ITGB3: variants seen among roughly 807,000 people sequenced by gnomAD.
ITGB3 encodes integrin subunit beta 3, also known as integrin beta-3.
In ITGB3, 48 loss-of-function variants were observed where a neutral mutation model predicts 85.8. That is an observed-to-expected ratio of 0.56 (90% CI 0.44 to 0.71). The LOEUF (loss-of-function observed/expected upper bound fraction) is 0.71. ITGB3 is among the 30% of genes least tolerant of loss of function. The probability of loss-of-function intolerance (pLI) is 0.00; values close to 1 mark genes in which losing one functional copy is unlikely to be tolerated. For missense variants in ITGB3, 861 were observed against 1,019.1 expected, an observed-to-expected ratio of 0.84 and a Z score of 2.11; for synonymous variants, 363 against 395.6, an observed-to-expected ratio of 0.92 and a Z score of 0.98.
intron 1 of ITGB3, among the ~76,000 whole-genome samples, chr17:47,269,836 T>G (rs2065038159): frequency 6.6e-6 from 1 of 152,228 alleles, no homozygotes; most frequent in East Asian, 1.9e-4. Flanking sequence ...GCCAATTTAC[T>G]GTAATAGTCT....
intron 14 of ITGB3, among the ~76,000 whole-genome samples, chr17:47,309,245 G>T (rs2065203500): frequency 6.6e-6 from 1 of 151,434 alleles, no homozygotes; most frequent in Admixed American, 6.6e-5. Flanking sequence ...TAGAGACAGG[G>T]TCTCACTCTG....
intron 6 of ITGB3, among the ~76,000 whole-genome samples, chr17:47,287,572 C>G (rs1439937625): frequency 6.6e-6 from 1 of 152,100 alleles, no homozygotes; most frequent in Non-Finnish European, 1.5e-5. Context: ...CTTGGAATAC[C>G]ATACTAACTT....
Position 47,253,947 on chromosome 17 carries a change from G to A in ITGB3, c.79+7G>A. ...GCGGGCGTTGGCGTAGGAGGTGAGT[G>A]AGGCTCCGGCTCGGCAGCGTCGCAG... On this transcript the variant is annotated splice_region_variant and intron_variant, in intron 1 of 14. Transcript: ENST00000559488. 1 of 1,414,930 alleles carries A rather than the reference G, an allele frequency of 7.1e-7. No individual in the cohort carries two copies. Among genetic ancestry groups the A allele is most frequent in the Non-Finnish European group, 9.3e-7 (1 of 1,077,224 alleles). The allele number at this position is 1,414,930 out of a possible 1,614,324, so 87.6% of individuals were successfully genotyped here. A position where few individuals can be genotyped will look rare whatever the true frequency, so the allele number is the denominator to read the frequency against.
Position 47,310,319 on chromosome 17 carries a change from G to C in ITGB3, c.*115G>C. On this transcript the variant is annotated 3_prime_UTR_variant, in exon 15 of 15. Transcript: ENST00000559488. ...GGAGGGATTTGGGGCTCAGAGTGGG[G>C]TAGGTTGGGAGAATGTCAGTATGTG... 1 of 987,538 alleles carries C rather than the reference G, an allele frequency of 1.0e-6. No homozygotes were observed. Among genetic ancestry groups the C allele is most frequent in the Non-Finnish European group, 1.6e-6 (1 of 626,090 alleles). 61.2% of individuals were successfully genotyped at this position (987,538 alleles called of 1,614,324 possible).
rs1476476442 is a variant in ITGB3, at chr17:47,286,320, G to A, written c.675G>A (p.Gln225=). ...GYKHVLTLTD[Q]VTRFNEEVKK... ...AACACGTGCTGACGCTAACTGACCA[G>A]GTGACCCGCTTCAATGAGGAAGTGA... The change falls in exon 5 of 15, where the codon CAG becomes CAA. Residue 225 remains glutamine (Q), a synonymous_variant. Coordinates refer to ENST00000559488, the MANE Select transcript of ITGB3 (RefSeq NM_000212.3). 8 of 1,614,070 alleles carry A rather than the reference G, an allele frequency of 5.0e-6. No homozygotes were observed. Among genetic ancestry groups the A allele is most frequent in the Non-Finnish European group, 5.9e-6 (7 of 1,180,056 alleles).
At chr17:47,287,911 C>CTTTTTTTTT (rs60463106) in intron 6 of ITGB3, among the ~76,000 whole-genome samples, 10 of 55,396 alleles carry the variant, frequency 1.8e-4, no homozygotes, top group East Asian at 1.6e-3. Flanking sequence ...ACCACCCCTG[C>CTTTTTTTTT]TTTTTTTTTT....
intron 1 of ITGB3, among the ~76,000 whole-genome samples, chr17:47,257,588 C>G (rs889711341): frequency 2.0e-5 from 3 of 152,158 alleles, no homozygotes; most frequent in Admixed American, 6.5e-5. Context: ...TTAAGAAACC[C>G]AATATTTGAA....
rs1435773997 is a variant in ITGB3 at position 47,292,369 on chromosome 17, T to C, written c.1491T>C (p.Cys497=). The change falls in exon 10 of 15, where the codon TGT becomes TGC. Residue 497 remains cysteine, a synonymous_variant. Transcript: ENST00000559488. ...RCGPGWLGSQ[C]ECSEEDYRPS... ...GGCCTGGCTGGCTGGGATCCCAGTGTGAGTGCTCAGAGGAGGACTATCGCC... is the reference window on the plus strand; with the variant it reads ...GGCCTGGCTGGCTGGGATCCCAGTGCGAGTGCTCAGAGGAGGACTATCGCC... 1 of 1,614,174 alleles carries C rather than the reference T, an allele frequency of 6.2e-7. No individual in the cohort carries two copies. The highest frequency in any genetic ancestry group is 1.1e-5 in the South Asian group (1 of 91,078).
At chr17:47,276,079 G>A (rs576803186) in intron 2 of ITGB3, among the ~76,000 whole-genome samples, 1 of 152,182 alleles carries the variant, frequency 6.6e-6, no homozygotes, top group Admixed American at 6.5e-5. Flanking sequence ...TTGGGTAGCC[G>A]AAAGCCTTCA....
intron 10 of ITGB3, among the ~76,000 whole-genome samples, chr17:47,295,368 C>T (rs2065141741): frequency 6.6e-6 from 1 of 152,108 alleles, no homozygotes; most frequent in African/African-American, 2.4e-5. Context: ...TGACCTTAAG[C>T]ACCCGTTCCT....
chr17:47,257,888 C>T (rs2149058544), intron 1 of ITGB3, among the ~76,000 whole-genome samples: 1 of 152,204 alleles, frequency 6.6e-6, no homozygotes, highest in African/African-American at 2.4e-5. Context: ...CTGGGAAGAC[C>T]ATAAGATGGG....
At chr17:47,289,270 A>G (rs934779544) in intron 6 of ITGB3, among the ~76,000 whole-genome samples, 1 of 152,120 alleles carries the variant, frequency 6.6e-6, no homozygotes, top group Non-Finnish European at 1.5e-5. Context: ...CTCTTCGTCT[A>G]TCCCTGGAGT....
rs1238443919 is a variant in ITGB3, at chr17:47,291,011, T to C, written c.1183T>C (p.Ser395Pro). The change falls in exon 9 of 15, where the codon TCC becomes CCC. Residue 395 changes from serine to proline, a missense_variant. Ser to Pro is a moderately conservative substitution (Grantham distance 74). Coordinates refer to ENST00000559488, the MANE Select transcript of ITGB3 (RefSeq NM_000212.3). ...VRDLPEELSLSFNATCLNNEV... is the reference protein window; with the variant it reads ...VRDLPEELSLPFNATCLNNEV... ...TGACCTCCCTGAAGAGTTGTCTCTA[T>C]CCTTCAATGCCACCTGCCTCAACAA... The C allele has an allele frequency of 6.2e-7, 1 of 1,613,998 alleles. No homozygotes were observed. The highest frequency in any genetic ancestry group is 1.3e-5 in the African/African-American group (1 of 74,902).
At chr17:47,276,018 A>G (rs369493461) in intron 2 of ITGB3, among the ~76,000 whole-genome samples, 2 of 152,116 alleles carry the variant, frequency 1.3e-5, no homozygotes, top group East Asian at 1.9e-4. Context: ...GGAAGTTGCA[A>G]TTCTGCAACT....
At chr17:47,254,112 C>T (rs953738910) in intron 1 of ITGB3, among the ~76,000 whole-genome samples, 172 bp downstream of exon 1, 1 of 152,168 alleles carries the variant, frequency 6.6e-6, no homozygotes, top group African/African-American at 2.4e-5. Flanking sequence ...CTTCCTGGCC[C>T]GGCGGTGGCG....
intron 12 of ITGB3, 132 bp downstream of exon 12, chr17:47,300,710 G>A (rs1353776830): frequency 2.8e-6 from 2 of 722,380 alleles, no homozygotes; most frequent in East Asian, 2.7e-5. Context: ...GTGCAGGCTT[G>A]AGGAACAATG....
intron 10 of ITGB3, among the ~76,000 whole-genome samples, chr17:47,297,760 T>C (rs1291159878): frequency 6.6e-6 from 1 of 151,562 alleles, no homozygotes; most frequent in East Asian, 1.9e-4. Flanking sequence ...CACATGCCTG[T>C]AGTCCCAGCT....
intron 12 of ITGB3, 51 bp downstream of exon 12, chr17:47,300,629 T>A: frequency 7.3e-7 from 1 of 1,372,778 alleles, no homozygotes; most frequent in Non-Finnish European, 1.0e-6. Flanking sequence ...TAAATGTTTC[T>A]AATTCAATCC....
chr17:47,257,493 C>T (rs187676589), intron 1 of ITGB3, among the ~76,000 whole-genome samples: 2 of 152,240 alleles, frequency 1.3e-5, no homozygotes, highest in African/African-American at 4.8e-5. Flanking sequence ...GTTCAATACT[C>T]TATGCCCACT....
Sources: allele counts gnomAD v4.1 joint callset (sites outside exome capture counted in the v4.1 genomes callset), GRCh38; gene constraint gnomAD v4.1.1; transcripts MANE v1.5; gene names NCBI Gene and HGNC (gene_info 2026-07-23, HGNC 2026-07-21).